HACL1: variants seen among roughly 807,000 people sequenced by gnomAD.
The protein encoded by HACL1 is 2-hydroxyacyl-CoA lyase 1.
In HACL1, 64 loss-of-function variants were observed where a neutral mutation model predicts 74.2. That is an observed-to-expected ratio of 0.86 (90% CI 0.70 to 1.06). The LOEUF (loss-of-function observed/expected upper bound fraction) is 1.06, where lower values mean the gene tolerates loss of function less well. Among genes scored for constraint, HACL1 ranks in the 50% least tolerant of loss-of-function variants. HACL1 has a pLI of 0.00. For synonymous variants in HACL1, 230 were observed against 238.8 expected (o/e 0.96, Z 0.34); for missense variants, 728 against 719.7 (o/e 1.01, Z -0.13).
At chr3:15,578,714 A>G (rs1432667447) in intron 9 of HACL1, among the ~76,000 whole-genome samples, 1 of 152,186 alleles carries the variant, frequency 6.6e-6, no homozygotes, top group Non-Finnish European at 1.5e-5. Context: ...CAAGCAGCTG[A>G]AATTCCAAGA....
intron 5 of HACL1, among the ~76,000 whole-genome samples, chr3:15,588,532 G>A (rs2063831302): frequency 6.6e-6 from 1 of 152,100 alleles, no homozygotes. Flanking sequence ...GGTAAAGGCT[G>A]CAGTGAGCCA....
At chr3:15,580,113 C>A in intron 8 of HACL1, 68 bp from the exon 9 acceptor site, 2 of 1,280,082 alleles carry the variant, frequency 1.6e-6, no homozygotes, top group Non-Finnish European at 2.2e-6. Context: ...TAAAAAAGTT[C>A]ATGTGAAATT....
chr3:15,578,405 T>G (rs956581319), intron 9 of HACL1, among the ~76,000 whole-genome samples: 2 of 152,116 alleles, frequency 1.3e-5, no homozygotes, highest in Non-Finnish European at 1.5e-5. Flanking sequence ...AAGAGGAAAC[T>G]TCCAATGCCA....
intron 3 of HACL1, among the ~76,000 whole-genome samples, chr3:15,592,192 G>A (rs2063927527): frequency 6.7e-6 from 1 of 148,348 alleles, no homozygotes; most frequent in South Asian, 2.1e-4. Flanking sequence ...GTATACATAC[G>A]TATATATGTA....
At chr3:15,581,163 A>C (rs1390894364) in intron 8 of HACL1, among the ~76,000 whole-genome samples, 1 of 152,144 alleles carries the variant, frequency 6.6e-6, no homozygotes, top group East Asian at 1.9e-4. Context: ...CGGCCTCCCA[A>C]AGTGTTGGGA....
At chr3:15,587,257 A>C (rs528797732) in intron 5 of HACL1, among the ~76,000 whole-genome samples, 121 of 136,730 alleles carry the variant, frequency 8.8e-4, no homozygotes, top group African/African-American at 3.2e-3. Flanking sequence ...AGTTTTAAGG[A>C]CTTCCACAAA....
At position 15,563,609 on chromosome 3, in the gene HACL1, T is replaced by C. The variant is rs115046099; in HGVS notation, c.1518-65A>G. 2,633 of 1,009,486 alleles carry C rather than the reference T, an allele frequency of 2.6e-3. 38 individuals are homozygous for C. In the African/African-American group the frequency reaches 0.037, roughly 14 times the overall value. The allele number at this position is 1,009,486 out of a possible 1,614,324, so 62.5% of individuals were successfully genotyped here. On this transcript the variant is annotated intron_variant, in intron 15 of 16. Coordinates refer to ENST00000321169, the MANE Select transcript of HACL1 (RefSeq NM_012260.4). ...AAACCTTGTAGAAAAAAAGTCATTC[T>C]CTGAAATACTTCATTAAAAAAATTT...
At position 15,560,869 on chromosome 3, in the gene HACL1, A is replaced by G. The variant is rs1050458050; in HGVS notation, c.1733T>C (p.Met578Thr). The G allele has an allele frequency of 1.9e-6, 3 of 1,603,862 alleles. No homozygotes were observed. The African/African-American group carries it at 4.0e-5, about 21-fold the overall frequency. ...ACCACCAACTGGCGTCTTTATTTAC[A>G]TATTAGAGCGGGTCAGCCAATGAAA... The part of the protein sequence containing the change: ...QDFHWLTRSN[M>T] The change falls in exon 17 of 17, where the codon ATG (methionine) becomes ACG (threonine). Residue 578 changes from methionine (M) to threonine (T), a missense_variant. Physicochemically the swap from Met to Thr is moderately conservative, Grantham distance 81. Transcript: ENST00000321169.
At chr3:15,567,256 G>T (rs761180231) in intron 14 of HACL1, among the ~76,000 whole-genome samples, 1 of 143,212 alleles carries the variant, frequency 7.0e-6, no homozygotes, top group Non-Finnish European at 1.5e-5. Flanking sequence ...TGTCACCCAG[G>T]CTAGAGTGCA....
chr3:15,571,792 C>CAT, intron 11 of HACL1, 23 bp from the exon 12 acceptor site: 1 of 751,856 alleles, frequency 1.3e-6, no homozygotes, highest in Admixed American at 2.6e-5. Flanking sequence ...AAAACACACA[C>CAT]ACACAAACAC....
chr3:15,592,037 A>AG (rs2063912794), intron 3 of HACL1, among the ~76,000 whole-genome samples: 8 of 114,756 alleles, frequency 7.0e-5, no homozygotes, highest in African/African-American at 2.0e-4. Flanking sequence ...ACATACGTAT[A>AG]TATACACACA....
intron 2 of HACL1, 125 bp downstream of exon 2, chr3:15,600,965 G>A (rs2064209876): frequency 1.5e-6 from 1 of 672,698 alleles, no homozygotes; most frequent in Non-Finnish European, 2.8e-6. Context: ...ATTCAACAGT[G>A]ATTGATATGA....
intron 5 of HACL1, among the ~76,000 whole-genome samples, chr3:15,588,666 C>G (rs1421987459): frequency 6.6e-6 from 1 of 152,132 alleles, no homozygotes; most frequent in African/African-American, 2.4e-5. Context: ...TATGTTTGGT[C>G]TCAAACATTT....
intron 15 of HACL1, among the ~76,000 whole-genome samples, chr3:15,564,109 G>A (rs527344869): frequency 3.3e-5 from 5 of 152,204 alleles, no homozygotes; most frequent in East Asian, 1.9e-4. Context: ...CACATTCTAC[G>A]GCCAGCTACA....
chr3:15,560,916 A>G lies in HACL1; in HGVS notation c.1705-19T>C. On this transcript the variant is annotated intron_variant, in intron 16 of 16. Coordinates refer to ENST00000321169, the MANE Select transcript of HACL1 (RefSeq NM_012260.4). ...GAAAATCCTAGAAAAAGAAGACAAC[A>G]AACATTCAGTCAAAAGAAATGATTG... is the stretch of plus-strand genomic sequence containing the variant. 6.3e-7 allele frequency: 1 copy of G among 1,580,116 alleles called. No homozygotes were observed. The highest frequency in any genetic ancestry group is 8.7e-7 in the Non-Finnish European group (1 of 1,149,998).
chr3:15,584,077 T>A (rs2063754281), intron 7 of HACL1, among the ~76,000 whole-genome samples: 1 of 152,224 alleles, frequency 6.6e-6, no homozygotes, highest in African/African-American at 2.4e-5. Flanking sequence ...CTATTTCATT[T>A]ATTCTAATTA....
chr3:15,586,928 C>T (rs942883146), intron 5 of HACL1, among the ~76,000 whole-genome samples: 6 of 152,216 alleles, frequency 3.9e-5, no homozygotes, highest in African/African-American at 1.4e-4. Context: ...TTAAAATCTA[C>T]AAAAAATTTA....
chr3:15,596,196 C>T (rs1319387265), intron 3 of HACL1, 188 bp downstream of exon 3: 4 of 549,190 alleles, frequency 7.3e-6, no homozygotes, highest in African/African-American at 1.9e-5. Context: ...ATGTGTTCCA[C>T]TCTGAAACAC....
At chr3:15,568,640 C>A in intron 12 of HACL1, 54 bp from the exon 13 acceptor site, 1 of 991,536 alleles carries the variant, frequency 1.0e-6, no homozygotes. Flanking sequence ...ATGAAAATAA[C>A]CAATGTTAAT....
Sources: allele counts gnomAD v4.1 joint callset (sites outside exome capture counted in the v4.1 genomes callset), GRCh38; gene constraint gnomAD v4.1.1; transcripts MANE v1.5; gene names NCBI Gene and HGNC (gene_info 2026-07-23, HGNC 2026-07-21).